Variants in BACH2 observed in about 807,000 individuals in gnomAD.
The protein encoded by BACH2 is BACH transcriptional regulator 2.
Under a neutral mutation model 61.8 loss-of-function variants are expected in BACH2, and 5 were observed. The observed-to-expected ratio is 0.08, with a 90% CI of 0.04 to 0.17. The LOEUF (loss-of-function observed/expected upper bound fraction) is 0.17. BACH2 is among the 10% of genes least tolerant of loss of function. BACH2 has a pLI of 1.00. For missense variants in BACH2, 824 were observed against 1,091.1 expected, an observed-to-expected ratio of 0.76 and a Z score of 3.45; for synonymous variants, 446 against 440.1, an observed-to-expected ratio of 1.01 and a Z score of -0.17.
chr6:90,240,597 G>A (rs1770417949), intron 3 of BACH2, among the ~76,000 whole-genome samples: 2 of 152,164 alleles, frequency 1.3e-5, no homozygotes, highest in African/African-American at 2.4e-5. Context: ...AAGCAAATAA[G>A]AGGAGATGTA....
At chr6:90,007,816 C>T (rs749110984) in intron 6 of BACH2, among the ~76,000 whole-genome samples, 13 of 152,266 alleles carry the variant, frequency 8.5e-5, no homozygotes, top group South Asian at 2.1e-4. Context: ...ATGCACACCG[C>T]GCTGGTGGTA....
intron 3 of BACH2, among the ~76,000 whole-genome samples, chr6:90,211,126 CA>C (rs3072672): frequency 0.025 from 1,125 of 45,264 alleles, 4 homozygotes; most frequent in African/African-American, 0.078. Flanking sequence ...GACTCCATCT[CA>C]AAAAAAAAAA....
At chr6:90,124,516 T>C (rs1783768170) in intron 4 of BACH2, among the ~76,000 whole-genome samples, 1 of 152,240 alleles carries the variant, frequency 6.6e-6, no homozygotes, top group Non-Finnish European at 1.5e-5. Context: ...CAGGATGTAC[T>C]AAAACTGCAA....
intron 4 of BACH2, among the ~76,000 whole-genome samples, chr6:90,202,546 T>C (rs946460838): frequency 2.6e-5 from 4 of 152,186 alleles, no homozygotes; most frequent in African/African-American, 9.6e-5. Context: ...TCCAAAGCAA[T>C]AAAAATCAGA....
At chr6:90,251,595 A>C (rs1286332319) in intron 3 of BACH2, among the ~76,000 whole-genome samples, 2 of 152,166 alleles carry the variant, frequency 1.3e-5, no homozygotes, top group Non-Finnish European at 2.9e-5. Context: ...TTTTGCTTTC[A>C]GAATTTTTTC....
chr6:90,232,547 A>C (rs368099767), intron 3 of BACH2, among the ~76,000 whole-genome samples: 3 of 152,368 alleles, frequency 2.0e-5, no homozygotes, highest in African/African-American at 7.2e-5. Flanking sequence ...CAGATTATCA[A>C]TCTTGAAATA....
chr6:90,095,852 G>C (rs1422125864), intron 4 of BACH2, among the ~76,000 whole-genome samples: 3 of 152,108 alleles, frequency 2.0e-5, no homozygotes, highest in Non-Finnish European at 4.4e-5. Flanking sequence ...AACTGTGCTA[G>C]AAATTTTACA....
intron 8 of BACH2, among the ~76,000 whole-genome samples, chr6:89,934,638 G>A (rs550586145): frequency 1.3e-5 from 2 of 152,114 alleles, no homozygotes; most frequent in South Asian, 2.1e-4. Context: ...CAGTCTGGGC[G>A]ACAGAGCGAG....
In BACH2 at chr6:90,004,683, T is replaced by C. The variant is rs138557111; in HGVS notation, c.243+3919A>G. On this transcript the variant is annotated intron_variant, in intron 6 of 8. Transcript: ENST00000257749. ...CTTCATAGTTGTGATGCTACTTCCG[T>C]CATGGCTGGCATCCAGCCCGAAATG... is the stretch of plus-strand genomic sequence containing the variant. 2.6e-5 allele frequency among the ~76,000 whole-genome samples: 4 copies of C among 152,314 alleles called. No homozygotes were observed. The East Asian group carries it at 7.7e-4, about 29-fold the overall frequency.
chr6:89,984,384 G>A (rs576706564), intron 6 of BACH2, among the ~76,000 whole-genome samples: 12 of 152,140 alleles, frequency 7.9e-5, no homozygotes, highest in Non-Finnish European at 1.5e-4. Flanking sequence ...GCCACACAAA[G>A]CACTAGTAAG....
At chr6:90,175,837 A>AC (rs1343954098) in intron 4 of BACH2, among the ~76,000 whole-genome samples, 1 of 151,796 alleles carries the variant, frequency 6.6e-6, no homozygotes, top group Non-Finnish European at 1.5e-5. Flanking sequence ...ATCTAGAGAC[A>AC]CCCCTCCTCT....
intron 3 of BACH2, among the ~76,000 whole-genome samples, chr6:90,232,276 G>A (rs536064892): frequency 2.0e-5 from 3 of 152,236 alleles, no homozygotes; most frequent in Admixed American, 2.0e-4. Context: ...TGTGGCCCAG[G>A]TTAAGCACAC....
chr6:90,123,632 T>TAGTGGCGGGCGC (rs1226291570), intron 4 of BACH2, among the ~76,000 whole-genome samples: 2 of 149,884 alleles, frequency 1.3e-5, no homozygotes, highest in Non-Finnish European at 3.0e-5. Flanking sequence ...TAGCCGGGCG[T>TAGTGGCGGGCGC]AGTGGCGGGC....
chr6:90,245,324 C>T (rs1424881206), intron 3 of BACH2, among the ~76,000 whole-genome samples: 1 of 152,162 alleles, frequency 6.6e-6, no homozygotes, highest in Non-Finnish European at 1.5e-5. Flanking sequence ...GGCTCAGTGG[C>T]TCACACTTGT....
chr6:90,117,492 T>G (rs1179460071), intron 4 of BACH2, among the ~76,000 whole-genome samples: 1 of 148,816 alleles, frequency 6.7e-6, no homozygotes, highest in African/African-American at 2.5e-5. Flanking sequence ...TTCTATAGCA[T>G]CCTATACTTC....
chr6:90,251,489 ACTCTG>A (rs1770809149), intron 3 of BACH2, among the ~76,000 whole-genome samples: 1 of 100,746 alleles, frequency 9.9e-6, no homozygotes, highest in Non-Finnish European at 2.8e-5. Context: ...GCCACTCAGT[ACTCTG>A]AAAACCATTA....
intron 4 of BACH2, among the ~76,000 whole-genome samples, chr6:90,162,648 A>C (rs1460200493): frequency 6.6e-6 from 1 of 152,214 alleles, no homozygotes; most frequent in Non-Finnish European, 1.5e-5. Flanking sequence ...GTTTCAAAAA[A>C]TAAAAAATAA....
intron 5 of BACH2, among the ~76,000 whole-genome samples, 169 bp from the exon 6 acceptor site, chr6:90,009,025 A>G (rs755614823): frequency 1.2e-4 from 19 of 152,232 alleles, no homozygotes; most frequent in Admixed American, 6.5e-5. Context: ...CTTACTCTGT[A>G]CAATGAGCTC....
chr6:89,950,430 G>C lies in BACH2; in HGVS notation c.1676C>G (p.Thr559Arg), dbSNP rs760642695. The part of the protein sequence containing the change: ...PCSQGARFLA[T>R]EHQEPGLMGD... ...CATCAGGCCTGGTTCCTGATGTTCT[G>C]TGGCAAGGAATCTGGCTCCCTGGGA... is the stretch of plus-strand genomic sequence containing the variant. Residue 559 changes from threonine (T) to arginine (R), a missense_variant, in exon 7 of 9, where the codon ACA becomes AGA. Around this residue, in one of 8 missense-constraint regions of BACH2, gnomAD observed 160 missense variants for 283.5 expected, o/e 0.56. Transcript: ENST00000257749. The surrounding 1 kb of genome is among the most constrained non-coding windows in gnomAD (Gnocchi z 5.3). The C allele has an allele frequency of 1.2e-6, 2 of 1,614,178 alleles. No individual in the cohort carries two copies. The highest frequency in any genetic ancestry group is 3.3e-5 in the Admixed American group (2 of 60,028).
Sources: allele counts gnomAD v4.1 joint callset (sites outside exome capture counted in the v4.1 genomes callset), GRCh38; gene constraint gnomAD v4.1.1; regional missense constraint gnomAD v4.1.1; non-coding constraint Gnocchi (gnomAD v3.1); transcripts MANE v1.5; gene names NCBI Gene and HGNC (gene_info 2026-07-23, HGNC 2026-07-21).